The following RNF220 variants were observed in gnomAD, a reference collection of about 807,000 sequenced individuals.
The protein encoded by RNF220 is ring finger protein 220, also known as E3 ubiquitin-protein ligase RNF220.
A neutral mutation model predicts 67.1 loss-of-function variants in RNF220; 7 were observed. The observed-to-expected ratio is 0.10, with a 90% CI of 0.06 to 0.20. RNF220 has a LOEUF of 0.20. Ranked by LOEUF, RNF220 falls within the 10% of genes least tolerant of loss-of-function variation. The pLI, the probability that RNF220 is intolerant of heterozygous loss-of-function variation, is 1.00. For missense variants in RNF220, 565 were observed against 740.3 expected (o/e 0.76, Z 2.75); for synonymous variants, 270 against 283.2 (o/e 0.95, Z 0.47).
At chr1:44,532,834 A>G (rs1209613874) in intron 2 of RNF220, among the ~76,000 whole-genome samples, 1 of 152,194 alleles carries the variant, frequency 6.6e-6, no homozygotes, top group African/African-American at 2.4e-5. Flanking sequence ...AACAGCTCAA[A>G]GCAGAAGGGT....
intron 2 of RNF220, among the ~76,000 whole-genome samples, chr1:44,472,218 T>C (rs1406739147): frequency 6.6e-6 from 1 of 152,228 alleles, no homozygotes; most frequent in East Asian, 1.9e-4. Flanking sequence ...TTTTCAGTTC[T>C]CTTGGGTATA....
chr1:44,479,451 A>G (rs1350547396), intron 2 of RNF220, among the ~76,000 whole-genome samples: 1 of 151,942 alleles, frequency 6.6e-6, no homozygotes, highest in Non-Finnish European at 1.5e-5. Context: ...ATACTCATCA[A>G]CTCTATGTAC....
chr1:44,571,076 G>GAA lies in RNF220; in HGVS notation c.626-43078_626-43077dup, dbSNP rs200658424. On this transcript the variant is annotated intron_variant, in intron 2 of 14. Coordinates refer to ENST00000361799, the MANE Select transcript of RNF220 (RefSeq NM_018150.4). The stretch of plus-strand genomic sequence containing the variant: ...GTGACAGAGAGAGACTCCATCTGAA[G>GAA]AAAAAAAAAAAAGATAAATCAGATT... Among the ~76,000 whole-genome samples the GAA allele has an allele frequency of 2.9e-3, 417 of 143,814 alleles. 1 individual carries two copies. The highest frequency in any genetic ancestry group is 4.1e-3 in the African/African-American group (162 of 39,250). The allele number at this position is 143,814 out of a possible 152,430, so 94.3% of individuals were successfully genotyped here.
intron 2 of RNF220, among the ~76,000 whole-genome samples, chr1:44,468,402 G>A (rs1654474843): frequency 6.6e-6 from 1 of 152,148 alleles, no homozygotes; most frequent in Non-Finnish European, 1.5e-5. Context: ...AATGCAAGAC[G>A]TGGAAGCGGA....
chr1:44,438,862 A>G (rs1273514626), intron 2 of RNF220, among the ~76,000 whole-genome samples: 1 of 152,264 alleles, frequency 6.6e-6, no homozygotes, highest in Non-Finnish European at 1.5e-5. Context: ...GGGTCATACC[A>G]AATGCTGATT....
At chr1:44,445,948 G>A (rs1393014991) in intron 2 of RNF220, among the ~76,000 whole-genome samples, 1 of 152,208 alleles carries the variant, frequency 6.6e-6, no homozygotes, top group Non-Finnish European at 1.5e-5. Context: ...AGTAGTAATT[G>A]TTATTAATGT....
chr1:44,469,899 G>A (rs775809613), intron 2 of RNF220, among the ~76,000 whole-genome samples: 2 of 152,174 alleles, frequency 1.3e-5, no homozygotes, highest in Non-Finnish European at 2.9e-5. Flanking sequence ...ATAGTACGAG[G>A]TGAGGCTGCA....
intron 2 of RNF220, among the ~76,000 whole-genome samples, chr1:44,519,326 A>G (rs191036442): frequency 3.3e-5 from 5 of 152,368 alleles, no homozygotes; most frequent in African/African-American, 9.6e-5. Context: ...ATGATAATAA[A>G]TCAGACAAAG....
At chr1:44,488,045 C>T (rs1227499124) in intron 2 of RNF220, among the ~76,000 whole-genome samples, 1 of 151,160 alleles carries the variant, frequency 6.6e-6, no homozygotes, top group Non-Finnish European at 1.5e-5. Flanking sequence ...TCACAGCCCA[C>T]TGCAGCCTCG....
At chr1:44,435,547 G>C (rs1382529653) in intron 2 of RNF220, among the ~76,000 whole-genome samples, 1 of 152,164 alleles carries the variant, frequency 6.6e-6, no homozygotes, top group East Asian at 1.9e-4. Context: ...GGGATAAAGA[G>C]GAACACTTGG....
At chr1:44,599,861 G>C (rs1335430295) in intron 2 of RNF220, among the ~76,000 whole-genome samples, 1 of 152,174 alleles carries the variant, frequency 6.6e-6, no homozygotes, top group African/African-American at 2.4e-5. Context: ...TTAGGAACCA[G>C]GGAAGGATCT....
At chr1:44,566,867 A>G (rs1664062000) in intron 2 of RNF220, among the ~76,000 whole-genome samples, 1 of 152,162 alleles carries the variant, frequency 6.6e-6, no homozygotes, top group Admixed American at 6.5e-5. Flanking sequence ...AGAGATCACC[A>G]CTAACATAGC....
intron 2 of RNF220, among the ~76,000 whole-genome samples, chr1:44,566,663 G>C (rs1664045291): frequency 6.6e-6 from 1 of 152,220 alleles, no homozygotes; most frequent in Non-Finnish European, 1.5e-5. Context: ...CCTAGGGCCA[G>C]CTGTTAGACA....
intron 2 of RNF220, among the ~76,000 whole-genome samples, chr1:44,511,575 G>A (rs563912660): frequency 3.9e-5 from 6 of 152,308 alleles, no homozygotes; most frequent in East Asian, 1.9e-4. Context: ...TGCAAAAATC[G>A]TTCCTGATAG....
chr1:44,449,265 C>T (rs376967409), intron 2 of RNF220, among the ~76,000 whole-genome samples: 2 of 152,162 alleles, frequency 1.3e-5, no homozygotes, highest in Non-Finnish European at 2.9e-5. Context: ...ACATTCAACA[C>T]GATACCTGCA....
chr1:44,598,838 T>C, intron 2 of RNF220, among the ~76,000 whole-genome samples: 1 of 152,150 alleles, frequency 6.6e-6, no homozygotes, highest in African/African-American at 2.4e-5. Flanking sequence ...TTGACACCCT[T>C]AGGGCCTCTG....
At chr1:44,405,631 C>G (rs1647257652) in intron 1 of RNF220, 101 bp downstream of exon 1, 2 of 270,386 alleles carry the variant, frequency 7.4e-6, no homozygotes, top group Admixed American at 5.5e-5. Context: ...TTTCCGGGTC[C>G]GTTTCCTAGG....
intron 2 of RNF220, among the ~76,000 whole-genome samples, chr1:44,591,400 A>G (rs1203330940): frequency 6.6e-6 from 1 of 152,230 alleles, no homozygotes; most frequent in Non-Finnish European, 1.5e-5. Context: ...CTTGCTAAGG[A>G]ATCTAAGTCC....
rs1226865797 is a variant in RNF220, at chr1:44,645,191, A to G, written c.1311-30A>G. The G allele has an allele frequency of 6.2e-7, 1 of 1,613,776 alleles. No individual in the cohort carries two copies. The highest frequency in any genetic ancestry group is 8.5e-7 in the Non-Finnish European group (1 of 1,179,954). On this transcript the variant is annotated intron_variant, in intron 10 of 14. Transcript: ENST00000361799. The surrounding 1 kb of genome is among the most constrained non-coding windows in gnomAD (Gnocchi z 5.0). Reference sequence around the variant, plus strand: ...GCTGTCCTGCCCGCCTTCAGGCCTCACTTTGTTTTTCCTCCCTCCTTTCCT... The same window carrying G: ...GCTGTCCTGCCCGCCTTCAGGCCTCGCTTTGTTTTTCCTCCCTCCTTTCCT...
Sources: gnomAD v4.1 joint callset for allele counts (sites outside exome capture counted in the v4.1 genomes callset) on GRCh38, gnomAD v4.1.1 for gene constraint, Gnocchi (gnomAD v3.1) non-coding constraint, MANE v1.5 for transcripts, NCBI Gene and HGNC (gene_info 2026-07-23, HGNC 2026-07-21) for gene names.